The following ASPM variants were observed in gnomAD, a reference collection of about 807,000 sequenced individuals.
ASPM encodes the protein abnormal spindle-like microcephaly-associated protein.
In ASPM, 256 loss-of-function variants were observed where a neutral mutation model predicts 366.4. The ratio of observed to expected loss-of-function variants is 0.70; its 90% CI spans 0.63 to 0.77. ASPM has a LOEUF of 0.77. ASPM is among the 30% of genes least tolerant of loss of function. The pLI, the probability that ASPM is intolerant of heterozygous loss-of-function variation, is 0.00. For missense variants in ASPM, 4,146 were observed against 4,090.4 expected (o/e 1.01, Z -0.37); for synonymous variants, 1,414 against 1,342.9 (o/e 1.05, Z -1.16).
intron 3 of ASPM, 81 bp from the exon 4 acceptor site, chr1:197,139,952 T>C (rs1658533179): frequency 2.1e-6 from 2 of 974,178 alleles, no homozygotes; most frequent in East Asian, 5.2e-5. Flanking sequence ...AGTTAAAGTT[T>C]GGGTTCTTCA....
Position 197,086,837 on chromosome 1 carries a change from G to T in ASPM, c.10297C>A (p.Pro3433Thr). ...KNSSISIPFI[P>T]ETPVRTRIVS... ...ATTCTGGTCCTTACAGGTGTTTCTG[G>T]GATAAAAGGAATGCTTATAGAAGAA... Residue 3433 changes from proline (P) to threonine (T), a missense_variant, in exon 27 of 28, where the codon CCA (proline) becomes ACA (threonine). By Grantham distance (38) the Pro-to-Thr change is conservative. Transcript: ENST00000367409. 6.2e-7 allele frequency: 1 copy of T among 1,611,128 alleles called. No homozygotes were observed. Among genetic ancestry groups the T allele is most frequent in the South Asian group, 1.1e-5 (1 of 91,010 alleles).
chr1:197,094,565 A>T, intron 19 of ASPM, among the ~76,000 whole-genome samples: 1 of 151,820 alleles, frequency 6.6e-6, no homozygotes, highest in African/African-American at 2.4e-5. Context: ...GTCTTTGAGC[A>T]GACGGGAGGT....
At chr1:197,119,088 T>C (rs17550014) in intron 16 of ASPM, among the ~76,000 whole-genome samples, 46,345 of 152,086 alleles carry the variant, frequency 0.3, 8,846 homozygotes, top group Middle Eastern at 0.45. Flanking sequence ...ACTATGGAAA[T>C]AATCAAACTG....
chr1:197,103,520 C>A lies in ASPM; in HGVS notation c.5731G>T (p.Ala1911Ser). ...AATCTAAACTGTTTCTGGGCCTTGG[C>A]CATTCTAAAAGCAGACTGAATCTTC... ...ALKIQSAFRM[A>S]KAQKQFRLFK... Residue 1911 changes from alanine (A) to serine (S), a missense_variant, in exon 18 of 28, where the codon GCC becomes TCC. Physicochemically the swap from Ala to Ser is moderately conservative, Grantham distance 99. Around this residue, in one of 3 missense-constraint regions of ASPM, gnomAD observed 3,624 missense variants for 3,591.7 expected, o/e 1.01. Coordinates refer to ENST00000367409, the MANE Select transcript of ASPM (RefSeq NM_018136.5). 6.2e-7 allele frequency: 1 copy of A among 1,613,138 alleles called. No individual in the cohort carries two copies. Among genetic ancestry groups the A allele is most frequent in the Non-Finnish European group, 8.5e-7 (1 of 1,179,494 alleles).
chr1:197,101,580 AG>A lies in ASPM; in HGVS notation c.7670del (p.Ser2557LeufsTer3). 6.2e-7 allele frequency: 1 copy of A among 1,609,696 alleles called. No individual in the cohort carries two copies. The highest frequency in any genetic ancestry group is 8.5e-7 in the Non-Finnish European group (1 of 1,178,828). On this transcript the variant is annotated frameshift_variant, in exon 18 of 28. Coordinates refer to ENST00000367409, the MANE Select transcript of ASPM (RefSeq NM_018136.5). LOFTEE classifies it high-confidence loss of function. ...TTCTGTAGGTGCTTTGTATTACGAT[AG>A]AAGCTTTGTGTTTTTCCCTTAAAAG... ...RQLLREKHKA[S>X]IVIQSTYRMY...
chr1:197,133,348 A>C lies in ASPM; in HGVS notation c.2419+2T>G. The C allele has an allele frequency of 6.2e-7, 1 of 1,612,274 alleles. No homozygotes were observed. The highest frequency in any genetic ancestry group is 1.1e-5 in the South Asian group (1 of 90,648). On this transcript the variant is annotated splice_donor_variant, in intron 6 of 27. Coordinates refer to ENST00000367409, the MANE Select transcript of ASPM (RefSeq NM_018136.5). LOFTEE classifies it high-confidence loss of function. ...ATGTCAAGATTTCTGCAGTCTTCTT[A>C]CCCACATCTTTCCATAGGTGTCTAT... is the stretch of plus-strand genomic sequence containing the variant.
At chr1:197,127,874 G>C (rs546303990) in intron 10 of ASPM, among the ~76,000 whole-genome samples, 68 of 152,190 alleles carry the variant, frequency 4.5e-4, no homozygotes, top group African/African-American at 1.6e-3. Flanking sequence ...TCAATAAAAA[G>C]TGTCATTTTG....
chr1:197,117,917 T>C lies in ASPM; in HGVS notation c.3937A>G (p.Arg1313Gly). ...VINFLAKQRL[R>G]KRVNAALVIQ... ...ACGAGTGCTGCATTAACTCTTTTTC[T>C]CAATCTTTGTTTTGCTAGAAAATTG... Residue 1313 changes from arginine (R) to glycine (G), a missense_variant, in exon 17 of 28, where the codon AGA becomes GGA. Physicochemically the swap from Arg to Gly is moderately radical, Grantham distance 125. This residue lies in a region of ASPM where 3,624 missense variants were observed against 3,591.7 expected (regional missense o/e 1.01). Transcript: ENST00000367409. 1 of 1,613,606 alleles carries C rather than the reference T, an allele frequency of 6.2e-7. No homozygotes were observed.
intron 17 of ASPM, 38 bp downstream of exon 17, chr1:197,117,751 A>C: frequency 1.3e-6 from 2 of 1,559,238 alleles, no homozygotes; most frequent in Non-Finnish European, 1.7e-6. Flanking sequence ...AAGTCATTAA[A>C]ATTTTTTAAA....
rs756489058 is a variant in ASPM, at chr1:197,143,737, A to C, written c.515T>G (p.Ile172Ser). The C allele has an allele frequency of 6.2e-7, 1 of 1,613,598 alleles. No individual in the cohort carries two copies. The highest frequency in any genetic ancestry group is 8.5e-7 in the Non-Finnish European group (1 of 1,179,696). Residue 172 changes from isoleucine (I) to serine (S), a missense_variant, in exon 3 of 28, where the codon ATT becomes AGT. By Grantham distance (142) the Ile-to-Ser change is moderately radical (BLOSUM62 -2). Coordinates refer to ENST00000367409, the MANE Select transcript of ASPM (RefSeq NM_018136.5). The stretch of plus-strand genomic sequence containing the variant: ...ACTAAATGTTTTATTAACATTCTGA[A>C]TATTTGAAACCCTTCTGTTGTGACT... ...STSHNRRVSN[I>S]QNVNKTFSVS...
chr1:197,104,247 A>G lies in ASPM; in HGVS notation c.5004T>C (p.Ala1668=). ...TCAAAAATTCCTTTTTAGAAACATA[A>G]GCACGATAATATGATTGAATCTTTA... ...SVIKIQSYYR[A]YVSKKEFLSL... is the part of the protein sequence containing the mutation. The change falls in exon 18 of 28, where the codon GCT becomes GCC. Residue 1668 remains alanine, a synonymous_variant. Transcript: ENST00000367409. 1.2e-6 allele frequency: 2 copies of G among 1,612,878 alleles called. No homozygotes were observed. The highest frequency in any genetic ancestry group is 2.2e-5 in the South Asian group (2 of 91,044).
intron 1 of ASPM, among the ~76,000 whole-genome samples, chr1:197,145,607 T>TA (rs1187863127): frequency 2.6e-5 from 4 of 152,060 alleles, no homozygotes; most frequent in African/African-American, 7.2e-5. Flanking sequence ...ATAGAAATTT[T>TA]AAAAAAAGCT....
rs587783236 is a variant in ASPM, at chr1:197,122,045, TA to T, written c.3742-3del. ...AAATGACAAATAGGTAATAACCACCTAAAAAAAACCCACAAAAGATAAAAAC... is the reference window on the plus strand; with the variant it reads ...AAATGACAAATAGGTAATAACCACCTAAAAAAACCCACAAAAGATAAAAAC... On this transcript the variant is annotated splice_region_variant and splice_polypyrimidine_tract_variant and intron_variant, in intron 15 of 27. Coordinates refer to ENST00000367409, the MANE Select transcript of ASPM (RefSeq NM_018136.5). 7 of 1,610,856 alleles carry T rather than the reference TA, an allele frequency of 4.3e-6. No individual in the cohort carries two copies. The highest frequency in any genetic ancestry group is 2.2e-5 in the East Asian group (1 of 44,736).
chr1:197,102,593 G>A lies in ASPM; in HGVS notation c.6658C>T (p.Gln2220Ter), dbSNP rs774021097. ...NKLKKITKTVQQRYWAMKERN... is the reference protein window; with the variant it reads ...NKLKKITKTV ...TCTTTCATTGCCCAGTATCTTTGCT[G>A]TACTGTTTTTGTTATTTTCTTTAAC... The change falls in exon 18 of 28, where the codon CAG becomes TAG. Residue 2220 changes from glutamine (Q) to a stop codon, truncating the protein, a stop_gained. Coordinates refer to ENST00000367409, the MANE Select transcript of ASPM (RefSeq NM_018136.5). LOFTEE classifies it high-confidence loss of function. 1 of 1,612,134 alleles carries A rather than the reference G, an allele frequency of 6.2e-7. No individual in the cohort carries two copies. The highest frequency in any genetic ancestry group is 8.5e-7 in the Non-Finnish European group (1 of 1,179,024).
At position 197,100,725 on chromosome 1, in the gene ASPM, C is replaced by T; in HGVS notation, c.8526G>A (p.Arg2842=). 1 of 1,612,480 alleles carries T rather than the reference C, an allele frequency of 6.2e-7. No homozygotes were observed. The highest frequency in any genetic ancestry group is 8.5e-7 in the Non-Finnish European group (1 of 1,179,078). Residue 2842 remains arginine, a synonymous_variant, in exon 18 of 28, where the codon CGG becomes CGA. Transcript: ENST00000367409. ...KLETQKCAAL[R]IQFFLQMAVY... ...CAGCCATCTGAAGGAAGAACTGAAT[C>T]CGTAGGGCAGCACATTTCTGTGTTT...
chr1:197,131,349 A>T (rs1658247836), intron 7 of ASPM, among the ~76,000 whole-genome samples: 1 of 152,216 alleles, frequency 6.6e-6, no homozygotes, highest in Admixed American at 6.5e-5. Context: ...AAGAATACAG[A>T]CGCACAAAAG....
chr1:197,129,075 G>A (rs1042453896), intron 9 of ASPM, 112 bp downstream of exon 9: 53 of 1,230,834 alleles, frequency 4.3e-5, no homozygotes, highest in Admixed American at 8.4e-5. Flanking sequence ...ACTCCTCTGA[G>A]TATTATTCTT....
chr1:197,135,367 ACTT>A (rs2125110477), intron 4 of ASPM, 125 bp from the exon 5 acceptor site: 1 of 988,850 alleles, frequency 1.0e-6, no homozygotes, highest in Non-Finnish European at 1.6e-6. Flanking sequence ...CTTTTCTACT[ACTT>A]GCAGGAAAGA....
chr1:197,139,234 G>A (rs1457192254), intron 4 of ASPM: 3 of 908,822 alleles, frequency 3.3e-6, no homozygotes, highest in Admixed American at 1.7e-5. Flanking sequence ...CAAGGCTAGT[G>A]ACGGCCTCTG....
Sources: gnomAD v4.1 joint callset for allele counts (sites outside exome capture counted in the v4.1 genomes callset) on GRCh38, gnomAD v4.1.1 for gene constraint, gnomAD v4.1.1 regional missense constraint, MANE v1.5 for transcripts, NCBI Gene and HGNC (gene_info 2026-07-23, HGNC 2026-07-21) for gene names.